The following ZDHHC14 variants were observed in gnomAD, a reference collection of about 807,000 sequenced individuals.
ZDHHC14 encodes palmitoyltransferase ZDHHC14.
Under a neutral mutation model 47.7 loss-of-function variants are expected in ZDHHC14, and 16 were observed. The ratio of observed to expected loss-of-function variants is 0.34; its 90% CI spans 0.23 to 0.51. The LOEUF (loss-of-function observed/expected upper bound fraction) is 0.51, where lower values mean the gene tolerates loss of function less well. Ranked by LOEUF, ZDHHC14 falls within the 20% of genes least tolerant of loss-of-function variation. The probability of loss-of-function intolerance (pLI) is 0.97; values close to 1 mark genes in which losing one functional copy is unlikely to be tolerated. For synonymous variants in ZDHHC14, 293 were observed against 278.9 expected, an observed-to-expected ratio of 1.05 and a Z score of -0.50; for missense variants, 515 against 662.5, an observed-to-expected ratio of 0.78 and a Z score of 2.44.
chr6:157,613,600 C>T (rs975225886), intron 3 of ZDHHC14, among the ~76,000 whole-genome samples: 9 of 152,146 alleles, frequency 5.9e-5, no homozygotes, highest in African/African-American at 1.9e-4. Context: ...ACGATAGGCA[C>T]CTGTTGGCCT....
Position 157,410,090 on chromosome 6 carries a change from G to A in ZDHHC14, c.245+27824G>A, listed in dbSNP as rs1035853300. 2.0e-5 allele frequency among the ~76,000 whole-genome samples: 3 copies of A among 152,108 alleles called. 1 individual carries two copies. The East Asian group carries it at 5.8e-4, about 29-fold the overall frequency. On this transcript the variant is annotated intron_variant, in intron 1 of 8. Transcript: ENST00000359775. ...AAGTGATCTGCCCGCGCTGGCAGCT[G>A]TTCTAAGAGGCATTCCAGTACCTGT...
intron 1 of ZDHHC14, among the ~76,000 whole-genome samples, chr6:157,416,637 C>T (rs1195952115): frequency 7.1e-6 from 1 of 141,732 alleles, no homozygotes; most frequent in Non-Finnish European, 1.5e-5. Flanking sequence ...CACTGCACTC[C>T]AGCCTGGGTG....
At chr6:157,671,927 C>T (rs1349962624) in intron 8 of ZDHHC14, among the ~76,000 whole-genome samples, 2 of 152,190 alleles carry the variant, frequency 1.3e-5, no homozygotes. Context: ...TGTTGTTCTG[C>T]AACCACCACT....
In ZDHHC14 at chr6:157,542,580, G is replaced by C. The variant is rs776201667; in HGVS notation, c.246-5G>C. 10 of 1,613,404 alleles carry C rather than the reference G, an allele frequency of 6.2e-6. No homozygotes were observed. The East Asian group carries it at 1.8e-4, about 29-fold the overall frequency. On this transcript the variant is annotated splice_region_variant and splice_polypyrimidine_tract_variant and intron_variant, in intron 1 of 8. Transcript: ENST00000359775. ...TTCTCTCCGGTCTGTCCAACCTGTC[G>C]GCAGCTGTCCGTACCTGGCGGTGAA...
At chr6:157,453,423 CA>C (rs1444294845) in intron 1 of ZDHHC14, among the ~76,000 whole-genome samples, 1 of 152,212 alleles carries the variant, frequency 6.6e-6, no homozygotes, top group African/African-American at 2.4e-5. Context: ...GACCACTCTG[CA>C]GCTGCCTTTC....
chr6:157,550,768 A>G (rs1782198209), intron 2 of ZDHHC14, among the ~76,000 whole-genome samples: 1 of 152,220 alleles, frequency 6.6e-6, no homozygotes, highest in African/African-American at 2.4e-5. Flanking sequence ...CCAGGATACC[A>G]CTTCCTTTCA....
At chr6:157,643,905 GAC>G (rs1157945470) in intron 5 of ZDHHC14, among the ~76,000 whole-genome samples, 1 of 151,798 alleles carries the variant, frequency 6.6e-6, no homozygotes, top group Non-Finnish European at 1.5e-5. Context: ...AACTCTTGGT[GAC>G]ACATAAGTAT....
intron 1 of ZDHHC14, among the ~76,000 whole-genome samples, chr6:157,458,993 G>A (rs1328435650): frequency 6.6e-6 from 1 of 151,376 alleles, no homozygotes; most frequent in Non-Finnish European, 1.5e-5. Context: ...TAGATTACAG[G>A]CATGCACCAC....
At chr6:157,643,557 A>G (rs146672965) in intron 5 of ZDHHC14, among the ~76,000 whole-genome samples, 4,792 of 150,360 alleles carry the variant, frequency 0.032, 280 homozygotes, top group African/African-American at 0.11. Context: ...CTGAGGCAGC[A>G]GAATCACTTG....
chr6:157,382,235 C>T lies in ZDHHC14; in HGVS notation c.214C>T (p.Leu72=), dbSNP rs1362615443. The T allele has an allele frequency of 5.0e-6, 8 of 1,611,958 alleles. No individual in the cohort carries two copies. The highest frequency in any genetic ancestry group is 6.8e-6 in the Non-Finnish European group (8 of 1,179,076). ...GVFYLTLVLI[L]VTSGLFFAFD... ...CTTCTACCTGACGCTCGTCCTCATC[C>T]TGGTCACTAGCGGACTCTTCTTCGC... Residue 72 remains leucine, a synonymous_variant, in exon 1 of 9, where the codon CTG becomes TTG. Transcript: ENST00000359775.
intron 1 of ZDHHC14, among the ~76,000 whole-genome samples, chr6:157,514,520 C>T (rs1038723213): frequency 1.3e-5 from 2 of 152,206 alleles, no homozygotes; most frequent in Non-Finnish European, 1.5e-5. Flanking sequence ...TCTGATATCG[C>T]CAAGAAGTTG....
intron 1 of ZDHHC14, among the ~76,000 whole-genome samples, chr6:157,416,806 A>ATT (rs1777982372): frequency 1.2e-5 from 1 of 81,498 alleles, no homozygotes; most frequent in Admixed American, 1.5e-4. Context: ...ATTGTTAGCA[A>ATT]ATTTTTTTTT....
intron 1 of ZDHHC14, among the ~76,000 whole-genome samples, chr6:157,459,181 A>T (rs1779005826): frequency 6.6e-6 from 1 of 152,154 alleles, no homozygotes; most frequent in Non-Finnish European, 1.5e-5. Flanking sequence ...ATGCAGAATA[A>T]AGGTATTTCT....
At chr6:157,640,843 A>G (rs1344095397) in intron 5 of ZDHHC14, among the ~76,000 whole-genome samples, 1 of 152,238 alleles carries the variant, frequency 6.6e-6, no homozygotes, top group African/African-American at 2.4e-5. Flanking sequence ...GTCCAGAAAT[A>G]CAAGAGCAAA....
At chr6:157,445,023 T>C (rs1778633338) in intron 1 of ZDHHC14, among the ~76,000 whole-genome samples, 1 of 151,646 alleles carries the variant, frequency 6.6e-6, no homozygotes, top group African/African-American at 2.4e-5. Context: ...ATTCTGACCA[T>C]GTAGACAGAG....
intron 1 of ZDHHC14, among the ~76,000 whole-genome samples, chr6:157,454,500 T>C (rs1778869082): frequency 8.1e-5 from 1 of 12,274 alleles, no homozygotes. Flanking sequence ...AGCTTCTTCT[T>C]TTTTTTTTTT....
chr6:157,529,786 A>G (rs1781298876), intron 1 of ZDHHC14, among the ~76,000 whole-genome samples: 2 of 152,196 alleles, frequency 1.3e-5, no homozygotes. Context: ...TGCAAAACAG[A>G]AGTGTAGGCC....
In ZDHHC14 at chr6:157,421,846, G is replaced by A. The variant is rs535615218; in HGVS notation, c.245+39580G>A. 8.1e-4 allele frequency among the ~76,000 whole-genome samples: 123 copies of A among 152,252 alleles called. 1 individual carries two copies. The highest frequency in any genetic ancestry group is 2.8e-3 in the African/African-American group (115 of 41,560). ...TGGTCTGGAACTCCTGAGCTCAGGT[G>A]ATCCACCCGCCTTGGCCTCCCAAAG... On this transcript the variant is annotated intron_variant, in intron 1 of 8. Transcript: ENST00000359775.
At chr6:157,554,863 A>C (rs1782392053) in intron 2 of ZDHHC14, among the ~76,000 whole-genome samples, 1 of 152,198 alleles carries the variant, frequency 6.6e-6, no homozygotes, top group African/African-American at 2.4e-5. Context: ...GCCTTGCCTC[A>C]GCTGTTGACT....
Sources: allele counts gnomAD v4.1 joint callset (sites outside exome capture counted in the v4.1 genomes callset), GRCh38; gene constraint gnomAD v4.1.1; transcripts MANE v1.5; gene names NCBI Gene and HGNC (gene_info 2026-07-23, HGNC 2026-07-21).